Variants in CEP55 observed in about 807,000 individuals in gnomAD.
CEP55 encodes centrosomal protein 55, also known as centrosomal protein of 55 kDa.
Under a neutral mutation model 63.2 loss-of-function variants are expected in CEP55, and 57 were observed. The ratio of observed to expected loss-of-function variants is 0.90; its 90% CI spans 0.73 to 1.13. CEP55 has a LOEUF of 1.13. CEP55 is among the 50% of genes most tolerant of loss of function. The pLI, the probability that CEP55 is intolerant of heterozygous loss-of-function variation, is 0.00. For synonymous variants in CEP55, 178 were observed against 191.6 expected, an observed-to-expected ratio of 0.93 and a Z score of 0.59; for missense variants, 456 against 518.9, an observed-to-expected ratio of 0.88 and a Z score of 1.18.
At position 93,528,297 on chromosome 10, in the gene CEP55, C is replaced by T; in HGVS notation, c.*144C>T. The T allele has an allele frequency of 1.5e-6, 1 of 667,568 alleles. No homozygotes were observed. Among genetic ancestry groups the T allele is most frequent in the Non-Finnish European group, 2.6e-6 (1 of 383,128 alleles). The allele number at this position is 667,568 out of a possible 1,614,324, so 41.4% of individuals were successfully genotyped here. A position where few individuals can be genotyped will look rare whatever the true frequency, so the allele number is the denominator to read the frequency against. On this transcript the variant is annotated 3_prime_UTR_variant, in exon 9 of 9. Coordinates refer to ENST00000371485, the MANE Select transcript of CEP55 (RefSeq NM_018131.5). ...TCCAGCATGCTAGTGAATCATGTAT[C>T]TTTTAGGCTGCTGTGCATTTCTCTT...
intron 1 of CEP55, among the ~76,000 whole-genome samples, chr10:93,499,741 C>T (rs1008350349): frequency 1.3e-5 from 2 of 151,972 alleles, no homozygotes; most frequent in African/African-American, 4.8e-5. Context: ...AGACTGGTCT[C>T]GAACTCCTGA....
At chr10:93,514,958 A>G (rs1283001262) in intron 4 of CEP55, among the ~76,000 whole-genome samples, 2 of 152,112 alleles carry the variant, frequency 1.3e-5, no homozygotes, top group Non-Finnish European at 2.9e-5. Flanking sequence ...TTTTTATTAG[A>G]GACAGGGTTT....
intron 3 of CEP55, 126 bp from the exon 4 acceptor site, chr10:93,506,862 C>A: frequency 1.4e-6 from 1 of 733,274 alleles, no homozygotes; most frequent in Non-Finnish European, 2.5e-6. Flanking sequence ...GCGTGAGCCA[C>A]CGTGCCCAGC....
At chr10:93,514,880 C>A (rs1202856511) in intron 4 of CEP55, among the ~76,000 whole-genome samples, 4 of 152,194 alleles carry the variant, frequency 2.6e-5, no homozygotes, top group Non-Finnish European at 5.9e-5. Context: ...TCAAGTGATT[C>A]TCCTGCCTCA....
chr10:93,517,318 C>A, intron 6 of CEP55, 70 bp downstream of exon 6: 2 of 1,275,072 alleles, frequency 1.6e-6, no homozygotes, highest in Non-Finnish European at 2.2e-6. Context: ...ACTATTTGAC[C>A]ACTAGAGAAC....
At chr10:93,519,119 C>G in intron 7 of CEP55, 171 bp downstream of exon 7, 1 of 552,356 alleles carries the variant, frequency 1.8e-6, no homozygotes, top group Non-Finnish European at 3.3e-6. Context: ...AGAGACTCTG[C>G]TAGCCACTTA....
chr10:93,499,370 A>G (rs2057607130), intron 1 of CEP55, among the ~76,000 whole-genome samples: 1 of 152,194 alleles, frequency 6.6e-6, no homozygotes, highest in South Asian at 2.1e-4. Context: ...GGGCCAAGAT[A>G]TGTCCTTGAT....
intron 4 of CEP55, among the ~76,000 whole-genome samples, chr10:93,507,533 G>T (rs117021002): frequency 0.065 from 9,899 of 152,124 alleles, 439 homozygotes; most frequent in South Asian, 0.17. Context: ...CATGGTCTCT[G>T]TAGGGTAGAC....
At chr10:93,527,916 TTA>T (rs767470370) in intron 8 of CEP55, 32 bp from the exon 9 acceptor site, 47 of 1,578,092 alleles carry the variant, frequency 3.0e-5, no homozygotes, top group Non-Finnish European at 3.9e-5. Context: ...TTGGCCCTAT[TTA>T]CAAATTCTAT....
intron 4 of CEP55, among the ~76,000 whole-genome samples, chr10:93,512,342 C>T (rs1469262956): frequency 1.3e-5 from 2 of 151,190 alleles, no homozygotes; most frequent in Non-Finnish European, 2.9e-5. Flanking sequence ...TGGTGAAACC[C>T]CATCTCTACT....
intron 8 of CEP55, among the ~76,000 whole-genome samples, chr10:93,521,203 A>G (rs550875450): frequency 1.3e-5 from 2 of 152,130 alleles, no homozygotes; most frequent in Non-Finnish European, 2.9e-5. Flanking sequence ...TAGCCAAGGA[A>G]AGGGGTGACT....
In CEP55 at chr10:93,519,777, A is replaced by G; in HGVS notation, c.1161A>G (p.Ala387=). ...TAATTCTTAAGGAGCTCCGAAAAGC[A>G]AGAAATCAAATAACACAGTTGGAAT... is the stretch of plus-strand genomic sequence containing the variant. ...LHVILKELRK[A]RNQITQLESL... The change falls in exon 8 of 9, where the codon GCA becomes GCG. Residue 387 remains alanine (A), a synonymous_variant. Transcript: ENST00000371485. 1.9e-6 allele frequency: 3 copies of G among 1,614,164 alleles called. No individual in the cohort carries two copies. Among genetic ancestry groups the G allele is most frequent in the Non-Finnish European group, 2.5e-6 (3 of 1,180,014 alleles).
At chr10:93,498,108 C>T (rs891114398) in intron 1 of CEP55, among the ~76,000 whole-genome samples, 7 of 150,086 alleles carry the variant, frequency 4.7e-5, no homozygotes, top group African/African-American at 1.5e-4. Flanking sequence ...GGCGACAGAG[C>T]GAGACTCTGC....
chr10:93,528,402 A>G lies in CEP55; in HGVS notation c.*249A>G, dbSNP rs2057946490. ...GTGAGCAGCGTCTACTGAGACTACT[A>G]ACATTTTGCACTGTCAAAATACTTG... On this transcript the variant is annotated 3_prime_UTR_variant, in exon 9 of 9. Coordinates refer to ENST00000371485, the MANE Select transcript of CEP55 (RefSeq NM_018131.5). 2.0e-6 allele frequency: 1 copy of G among 497,554 alleles called. No homozygotes were observed. Among genetic ancestry groups the G allele is most frequent in the South Asian group, 2.4e-5 (1 of 40,886 alleles). The allele number at this position is 497,554 out of a possible 1,614,324, so 30.8% of individuals were successfully genotyped here.
intron 8 of CEP55, among the ~76,000 whole-genome samples, chr10:93,526,117 C>G (rs531369989): frequency 6.6e-6 from 1 of 152,098 alleles, no homozygotes. Flanking sequence ...AGCTTCTGCA[C>G]AGCAAAAGAA....
chr10:93,518,548 T>C (rs1396074259), intron 6 of CEP55, among the ~76,000 whole-genome samples: 2 of 152,202 alleles, frequency 1.3e-5, no homozygotes, highest in African/African-American at 4.8e-5. Flanking sequence ...TTGCTTCAGC[T>C]CTGGCTAAGG....
At position 93,527,931 on chromosome 10, in the gene CEP55, T is replaced by C. The variant is rs536706776; in HGVS notation, c.1192-19T>C. 1 of 1,603,722 alleles carries C rather than the reference T, an allele frequency of 6.2e-7. No individual in the cohort carries two copies. Among genetic ancestry groups the C allele is most frequent in the South Asian group, 1.1e-5 (1 of 89,716 alleles). ...TTGGCCCTATTTACAAATTCTATTA[T>C]TTGAAACTTATTTTTCAGAAACAGC... On this transcript the variant is annotated intron_variant, in intron 8 of 8. Coordinates refer to ENST00000371485, the MANE Select transcript of CEP55 (RefSeq NM_018131.5).
chr10:93,514,936 C>A (rs548351383), intron 4 of CEP55, among the ~76,000 whole-genome samples: 1 of 152,282 alleles, frequency 6.6e-6, no homozygotes, highest in Non-Finnish European at 1.5e-5. Flanking sequence ...CCATGCCTGG[C>A]TAATTTTTGT....
chr10:93,519,802 T>C lies in CEP55; in HGVS notation c.1186T>C (p.Ser396Pro). ...KARNQITQLE[S>P]LKQLHEFAIT... ...AAGAAATCAAATAACACAGTTGGAATCCTTGGTGAGTCTGGAATGATTAAA... is the reference window on the plus strand; with the variant it reads ...AAGAAATCAAATAACACAGTTGGAACCCTTGGTGAGTCTGGAATGATTAAA... The change falls in exon 8 of 9, where the codon TCC becomes CCC. Residue 396 changes from serine to proline, a missense_variant. By Grantham distance (74) the Ser-to-Pro change is moderately conservative (BLOSUM62 -1). Coordinates refer to ENST00000371485, the MANE Select transcript of CEP55 (RefSeq NM_018131.5). The C allele has an allele frequency of 6.2e-7, 1 of 1,614,100 alleles. No homozygotes were observed. Among genetic ancestry groups the C allele is most frequent in the East Asian group, 2.2e-5 (1 of 44,876 alleles).
Sources: gnomAD v4.1 joint callset for allele counts (sites outside exome capture counted in the v4.1 genomes callset) on GRCh38, gnomAD v4.1.1 for gene constraint, MANE v1.5 for transcripts, NCBI Gene and HGNC (gene_info 2026-07-23, HGNC 2026-07-21) for gene names.